SGCD: variants seen among roughly 807,000 people sequenced by gnomAD.
The protein encoded by SGCD is sarcoglycan delta, also known as delta-sarcoglycan.
In SGCD, 18 loss-of-function variants were observed where a neutral mutation model predicts 36.6. That is an observed-to-expected ratio of 0.49 (90% CI 0.34 to 0.73). The LOEUF (loss-of-function observed/expected upper bound fraction) is 0.73. Ranked by LOEUF, SGCD falls within the 30% of genes least tolerant of loss-of-function variation. The probability of loss-of-function intolerance (pLI) is 0.01; values close to 1 mark genes in which losing one functional copy is unlikely to be tolerated. For synonymous variants in SGCD, 133 were observed against 130.6 expected, an observed-to-expected ratio of 1.02 and a Z score of -0.12; for missense variants, 387 against 346.7, an observed-to-expected ratio of 1.12 and a Z score of -0.92.
At chr5:155,955,962 A>G (rs1054594775) in intron 1 of SGCD, among the ~76,000 whole-genome samples, 4 of 152,156 alleles carry the variant, frequency 2.6e-5, no homozygotes, top group Non-Finnish European at 5.9e-5. Context: ...AAGATTGGCG[A>G]TGAGCACAAA....
rs193098762 is a variant in SGCD, at chr5:156,631,421, C to T, written c.503-16043C>T. On this transcript the variant is annotated intron_variant, in intron 6 of 8. Transcript: ENST00000337851. ...AGATACACTTAGCAAATACCCAAAT[C>T]GAGCTAAAAAGCTCTGCAGATACGG... Among the ~76,000 whole-genome samples the T allele has an allele frequency of 3.5e-3, 520 of 149,956 alleles. 2 individuals carry two copies. Among genetic ancestry groups the T allele is most frequent in the Non-Finnish European group, 2.2e-3 (150 of 67,748 alleles).
chr5:156,538,407 C>A (rs889528024), intron 4 of SGCD, among the ~76,000 whole-genome samples: 18 of 151,848 alleles, frequency 1.2e-4, no homozygotes, highest in African/African-American at 3.4e-4. Flanking sequence ...TTTTTTTTCT[C>A]TCCCTGTGCC....
the SGCD span, among the ~76,000 whole-genome samples, chr5:155,798,508 A>G: frequency 2.6e-5 from 4 of 152,224 alleles, no homozygotes; most frequent in African/African-American, 9.6e-5. Context: ...CTTTTAAAAC[A>G]GTAGTAATTG....
chr5:156,561,195 G>A (rs1347938227), intron 4 of SGCD, among the ~76,000 whole-genome samples: 1 of 152,106 alleles, frequency 6.6e-6, no homozygotes, highest in Admixed American at 6.5e-5. Flanking sequence ...CTACATTACA[G>A]GGCTTTGGAA....
Position 156,482,036 on chromosome 5 carries a change from C to T in SGCD, c.193-26565C>T, listed in dbSNP as rs569198444. On this transcript the variant is annotated intron_variant, in intron 3 of 8. Coordinates refer to ENST00000337851, the MANE Select transcript of SGCD (RefSeq NM_000337.6). ...CTCAAACAGAAACTTGCTCCTTTCC[C>T]ACATCTGTGCCTGGGTGTCACAGTC... Among the ~76,000 whole-genome samples, 6 of 152,266 alleles carry T rather than the reference C, an allele frequency of 3.9e-5. No homozygotes were observed. In the East Asian group the frequency reaches 9.7e-4, roughly 24 times the overall value.
chr5:156,266,194 T>A (rs1274569220), intron 3 of SGCD, among the ~76,000 whole-genome samples: 1 of 152,212 alleles, frequency 6.6e-6, no homozygotes, highest in African/African-American at 2.4e-5. Flanking sequence ...TATTTTGTAG[T>A]GCTGGATAGG....
intron 1 of SGCD, among the ~76,000 whole-genome samples, chr5:156,096,258 A>G (rs559505221): frequency 1.3e-5 from 2 of 152,328 alleles, no homozygotes; most frequent in East Asian, 3.9e-4. Context: ...CAGATCTCCC[A>G]TATGGGCCAC....
chr5:156,173,959 A>G (rs1274469526), intron 3 of SGCD, among the ~76,000 whole-genome samples: 1 of 152,226 alleles, frequency 6.6e-6, no homozygotes, highest in Non-Finnish European at 1.5e-5. Flanking sequence ...CCCAGTTTTC[A>G]TACACATACA....
intron 3 of SGCD, among the ~76,000 whole-genome samples, chr5:156,174,581 G>T (rs531013348): frequency 1.8e-4 from 28 of 152,332 alleles, no homozygotes; most frequent in African/African-American, 5.1e-4. Flanking sequence ...GCAAAGTACA[G>T]AGATGAGACA....
At chr5:156,111,255 A>G (rs1281005705) in intron 1 of SGCD, among the ~76,000 whole-genome samples, 2 of 152,190 alleles carry the variant, frequency 1.3e-5, no homozygotes, top group Non-Finnish European at 2.9e-5. Flanking sequence ...GACACTTCAC[A>G]GTAAAAGAAA....
At chr5:156,616,253 C>G (rs1762015898) in intron 6 of SGCD, among the ~76,000 whole-genome samples, 1 of 152,086 alleles carries the variant, frequency 6.6e-6, no homozygotes, top group African/African-American at 2.4e-5. Context: ...CTGTCATGGA[C>G]CATAGGTCCA....
At chr5:156,367,496 G>A (rs1425081777) in intron 3 of SGCD, among the ~76,000 whole-genome samples, 1 of 152,222 alleles carries the variant, frequency 6.6e-6, no homozygotes, top group Non-Finnish European at 1.5e-5. Context: ...AGCTTGAAGT[G>A]TATTCAGATT....
intron 3 of SGCD, among the ~76,000 whole-genome samples, chr5:156,189,354 TA>T (rs541612932): frequency 1.1e-4 from 16 of 152,044 alleles, no homozygotes; most frequent in African/African-American, 3.9e-4. Flanking sequence ...ACTGTAATGC[TA>T]AAAAAAATTA....
At chr5:156,757,413 A>C (rs546483984) in intron 7 of SGCD, among the ~76,000 whole-genome samples, 168 bp from the exon 8 acceptor site, 2 of 152,068 alleles carry the variant, frequency 1.3e-5, no homozygotes, top group South Asian at 4.1e-4. Flanking sequence ...TAAAGCCTAG[A>C]CTTATTATGC....
In SGCD at chr5:155,905,538, A is replaced by G. The variant is rs140767338; in HGVS notation, c.-282+35114A>G. ...CATGCAGCTAAGTTCTCACGTGCCAATGAAGTCTGACCATTGCATTACTGG... is the reference window on the plus strand; with the variant it reads ...CATGCAGCTAAGTTCTCACGTGCCAGTGAAGTCTGACCATTGCATTACTGG... On this transcript the variant is annotated intron_variant, in intron 1 of 9. Transcript: ENST00000517913. Among the ~76,000 whole-genome samples, 6 of 152,196 alleles carry G rather than the reference A, an allele frequency of 3.9e-5. No individual in the cohort carries two copies. The East Asian group carries it at 7.7e-4, about 20-fold the overall frequency.
intron 3 of SGCD, among the ~76,000 whole-genome samples, chr5:156,141,866 C>G (rs80100692): frequency 2.0e-5 from 3 of 152,132 alleles, no homozygotes; most frequent in Admixed American, 6.5e-5. Context: ...AATCTTCAAA[C>G]TAGTATCAAA....
chr5:156,361,478 AG>A (rs1769792097), intron 3 of SGCD, among the ~76,000 whole-genome samples: 1 of 152,208 alleles, frequency 6.6e-6, no homozygotes, highest in Non-Finnish European at 1.5e-5. Flanking sequence ...TGTGTTGAAA[AG>A]TTGTAATAAA....
rs117021788 is a variant in SGCD, at chr5:155,980,986, C to T, written c.-282+110562C>T. 1.7e-3 allele frequency among the ~76,000 whole-genome samples: 263 copies of T among 152,306 alleles called. 2 individuals are homozygous for T. The highest frequency in any genetic ancestry group is 0.017 in the East Asian group (89 of 5,166). ...TCCAAAGGGGCAGTGTAAACTCAGGCTCAATCTGGATCCTTGTCTATCTCT... is the reference window on the plus strand; with the variant it reads ...TCCAAAGGGGCAGTGTAAACTCAGGTTCAATCTGGATCCTTGTCTATCTCT... On this transcript the variant is annotated intron_variant, in intron 1 of 9. Transcript: ENST00000517913.
chr5:156,210,659 A>G (rs1054239754), intron 3 of SGCD, among the ~76,000 whole-genome samples: 3 of 152,086 alleles, frequency 2.0e-5, no homozygotes, highest in African/African-American at 7.2e-5. Flanking sequence ...GAAAAATATA[A>G]TTAATGAAAT....
Sources: allele counts gnomAD v4.1 joint callset (sites outside exome capture counted in the v4.1 genomes callset), GRCh38; gene constraint gnomAD v4.1.1; transcripts MANE v1.5; gene names NCBI Gene and HGNC (gene_info 2026-07-23, HGNC 2026-07-21).